The following RFX4 variants were observed in gnomAD, a reference collection of about 807,000 sequenced individuals.
RFX4 encodes regulatory factor X4.
A neutral mutation model predicts 95.0 loss-of-function variants in RFX4; 10 were observed. That is an observed-to-expected ratio of 0.11 (90% CI 0.06 to 0.18). The LOEUF is 0.18. Ranked by LOEUF, RFX4 falls within the 10% of genes least tolerant of loss-of-function variation. The pLI is 1.00. For synonymous variants in RFX4, 321 were observed against 340.7 expected (o/e 0.94, Z 0.64); for missense variants, 640 against 922.0 (o/e 0.69, Z 3.96).
chr12:106,633,653 G>A (rs1192586330), intron 2 of RFX4, among the ~76,000 whole-genome samples: 1 of 152,170 alleles, frequency 6.6e-6, no homozygotes, highest in East Asian at 1.9e-4. Context: ...ACAGTTGGGG[G>A]CAATGCTGGA....
chr12:106,679,464 CAA>C (rs35165186), intron 4 of RFX4, among the ~76,000 whole-genome samples: 1 of 146,070 alleles, frequency 6.8e-6, no homozygotes, highest in Admixed American at 6.8e-5. Context: ...CAGAAAAAAA[CAA>C]AAAAAAAAAC....
chr12:106,622,703 C>T (rs893959657), intron 2 of RFX4, among the ~76,000 whole-genome samples: 6 of 151,450 alleles, frequency 4.0e-5, no homozygotes, highest in Non-Finnish European at 4.4e-5. Context: ...TCACTGCAAC[C>T]TCTGCCTCCT....
chr12:106,648,099 G>C (rs2040784159), intron 3 of RFX4, among the ~76,000 whole-genome samples: 1 of 152,226 alleles, frequency 6.6e-6, no homozygotes, highest in Admixed American at 6.5e-5. Context: ...GACCACTGCA[G>C]CACTCTACAT....
At chr12:106,623,545 G>A (rs2040228700) in intron 2 of RFX4, among the ~76,000 whole-genome samples, 2 of 152,230 alleles carry the variant, frequency 1.3e-5, no homozygotes, top group Admixed American at 6.5e-5. Context: ...AGGCAGAAAT[G>A]TTGTGTGGTT....
intron 8 of RFX4, among the ~76,000 whole-genome samples, chr12:106,696,670 G>A (rs1368496677): frequency 1.3e-5 from 2 of 152,148 alleles, no homozygotes; most frequent in Non-Finnish European, 2.9e-5. Context: ...ATAAGATGGT[G>A]TACAGTAAAC....
intron 1 of RFX4, among the ~76,000 whole-genome samples, chr12:106,589,282 C>T (rs2039505456): frequency 6.6e-6 from 1 of 152,154 alleles, no homozygotes; most frequent in South Asian, 2.1e-4. Flanking sequence ...TCCTGACTAC[C>T]TGCTAGGTGG....
intron 13 of RFX4, among the ~76,000 whole-genome samples, chr12:106,723,552 C>A (rs2042434505): frequency 6.6e-6 from 1 of 152,166 alleles, no homozygotes; most frequent in Admixed American, 6.5e-5. Context: ...GGCACAATTG[C>A]ACAACACTTC....
Position 106,630,561 on chromosome 12 carries a change from G to C in RFX4, c.131-8771G>C, listed in dbSNP as rs117049631. Among the ~76,000 whole-genome samples, 18 of 152,312 alleles carry C rather than the reference G, an allele frequency of 1.2e-4. No homozygotes were observed. In the South Asian group the frequency reaches 3.7e-3, roughly 32 times the overall value. On this transcript the variant is annotated intron_variant, in intron 2 of 17. Coordinates refer to ENST00000392842, the MANE Select transcript of RFX4 (RefSeq NM_213594.3). The stretch of plus-strand genomic sequence containing the variant: ...GGTGCCCTTTGCAGGGGCTGGAAAC[G>C]AGGCAAATGAGGGGAAATGAAACGT...
rs1477690551 is a variant in RFX4, at chr12:106,747,554, C to T, written c.1751C>T (p.Ser584Phe). Reference sequence around the variant, plus strand: ...AGGAACACTCATGTGCCTTCTTCCTCCGTCACACACAGGATACCAGTTTAT... The same window carrying T: ...AGGAACACTCATGTGCCTTCTTCCTTCGTCACACACAGGATACCAGTTTAT... ...CMRNTHVPSS[S>F]VTHRIPVYPH... The change falls in exon 16 of 18, where the codon TCC becomes TTC. Residue 584 changes from serine (S) to phenylalanine (F), a missense_variant. By Grantham distance (155) the Ser-to-Phe change is radical (BLOSUM62 -2). Coordinates refer to ENST00000392842, the MANE Select transcript of RFX4 (RefSeq NM_213594.3). 1 of 1,614,140 alleles carries T rather than the reference C, an allele frequency of 6.2e-7. No homozygotes were observed. The highest frequency in any genetic ancestry group is 1.1e-5 in the South Asian group (1 of 91,076).
At chr12:106,657,382 G>T (rs2040981086) in intron 4 of RFX4, among the ~76,000 whole-genome samples, 1 of 152,170 alleles carries the variant, frequency 6.6e-6, no homozygotes, top group African/African-American at 2.4e-5. Flanking sequence ...GACAACCAGG[G>T]TGACCTGGTT....
chr12:106,643,992 TAGA>T (rs1419369786), intron 3 of RFX4, among the ~76,000 whole-genome samples: 1 of 152,214 alleles, frequency 6.6e-6, no homozygotes, highest in African/African-American at 2.4e-5. Flanking sequence ...TATGTATCTG[TAGA>T]AGTTTCTGAA....
At chr12:106,671,951 C>CA (rs1452890133) in intron 4 of RFX4, among the ~76,000 whole-genome samples, 2 of 152,236 alleles carry the variant, frequency 1.3e-5, no homozygotes, top group East Asian at 3.9e-4. Context: ...CATGAGCCAC[C>CA]ACACCCGGCC....
chr12:106,601,332 G>T (rs375743641), intron 1 of RFX4: 1 of 1,586,768 alleles, frequency 6.3e-7, no homozygotes, highest in East Asian at 2.3e-5. Flanking sequence ...AGGCCTCGAC[G>T]GCGCCGTTCC....
At chr12:106,662,772 TG>T (rs1308058961) in intron 4 of RFX4, among the ~76,000 whole-genome samples, 4 of 152,166 alleles carry the variant, frequency 2.6e-5, no homozygotes, top group African/African-American at 9.6e-5. Context: ...TCACTTTTTT[TG>T]CATGTGTATA....
intron 2 of RFX4, among the ~76,000 whole-genome samples, chr12:106,637,530 T>C (rs2040538143): frequency 6.6e-6 from 1 of 152,246 alleles, no homozygotes; most frequent in Non-Finnish European, 1.5e-5. Flanking sequence ...TTTTAATGTC[T>C]ATATTAAATT....
intron 15 of RFX4, among the ~76,000 whole-genome samples, chr12:106,738,269 T>C (rs2042748503): frequency 6.6e-6 from 1 of 152,220 alleles, no homozygotes; most frequent in South Asian, 2.1e-4. Flanking sequence ...TTCTGCATTA[T>C]GAAGCAGAAA....
At chr12:106,663,758 T>G (rs2041121647) in intron 4 of RFX4, among the ~76,000 whole-genome samples, 1 of 150,178 alleles carries the variant, frequency 6.7e-6, no homozygotes, top group Non-Finnish European at 1.5e-5. Context: ...CAGAAAGCGT[T>G]TTTTTTTTTT....
chr12:106,616,340 C>T (rs1237197302), intron 2 of RFX4, among the ~76,000 whole-genome samples: 4 of 152,000 alleles, frequency 2.6e-5, no homozygotes, highest in African/African-American at 7.2e-5. Context: ...TTTTTATATA[C>T]TTCTGGGTGT....
chr12:106,614,477 CTGTGTGTGTGTGTGTGTG>C (rs34226201), intron 2 of RFX4, among the ~76,000 whole-genome samples: 32 of 127,854 alleles, frequency 2.5e-4, no homozygotes, highest in African/African-American at 8.5e-4. Context: ...CGTCTTTTGC[CTGTGTGTGTGTGTGTGTG>C]TGTGTGTGTG....
Sources: allele counts gnomAD v4.1 joint callset (sites outside exome capture counted in the v4.1 genomes callset), GRCh38; gene constraint gnomAD v4.1.1; transcripts MANE v1.5; gene names NCBI Gene and HGNC (gene_info 2026-07-23, HGNC 2026-07-21).